The following ANO3 variants were observed in gnomAD, a reference collection of about 807,000 sequenced individuals.
ANO3 encodes the protein anoctamin 3, also known as anoctamin-3.
ANO3 carries 99 observed loss-of-function variants against 144.8 expected under a neutral mutation model. The ratio of observed to expected loss-of-function variants is 0.68; its 90% CI spans 0.58 to 0.81. The LOEUF (loss-of-function observed/expected upper bound fraction) is 0.81. ANO3 is among the 30% of genes least tolerant of loss of function. The probability of loss-of-function intolerance (pLI) is 0.00; values close to 1 mark genes in which losing one functional copy is unlikely to be tolerated. For synonymous variants in ANO3, 414 were observed against 392.6 expected (o/e 1.05, Z -0.64); for missense variants, 905 against 1,202.2 (o/e 0.75, Z 3.66).
At chr11:26,205,448 A>T (rs74707852) in intron 1 of ANO3, among the ~76,000 whole-genome samples, 2,148 of 152,284 alleles carry the variant, frequency 0.014, 39 homozygotes, top group East Asian at 0.1. Context: ...GTGTCTCATT[A>T]TAAAGTCCAA....
intron 18 of ANO3, among the ~76,000 whole-genome samples, chr11:26,625,790 G>C (rs1852566109): frequency 6.6e-6 from 1 of 152,020 alleles, no homozygotes; most frequent in Non-Finnish European, 1.5e-5. Flanking sequence ...ACTGCATCTA[G>C]ACTTACTTTC....
At chr11:26,223,228 C>G (rs1213018403) in intron 1 of ANO3, among the ~76,000 whole-genome samples, 4 of 152,006 alleles carry the variant, frequency 2.6e-5, no homozygotes, top group Non-Finnish European at 5.9e-5. Flanking sequence ...TGCCAGATAC[C>G]CTGAGTCGTC....
At chr11:26,570,052 G>A (rs1850758850) in intron 14 of ANO3, among the ~76,000 whole-genome samples, 1 of 152,016 alleles carries the variant, frequency 6.6e-6, no homozygotes, top group African/African-American at 2.4e-5. Context: ...ACTATAAAGT[G>A]AACAGAGAAA....
intron 1 of ANO3, among the ~76,000 whole-genome samples, chr11:26,273,697 G>A (rs562449378): frequency 6.6e-6 from 1 of 150,722 alleles, no homozygotes; most frequent in Admixed American, 6.6e-5. Context: ...GGAAGGTAAA[G>A]GATTTCAAGA....
intron 14 of ANO3, among the ~76,000 whole-genome samples, chr11:26,580,590 T>C (rs1161663688): frequency 6.6e-6 from 1 of 152,202 alleles, no homozygotes; most frequent in East Asian, 1.9e-4. Flanking sequence ...TAACTATTGT[T>C]TCAGGTGGGC....
intron 1 of ANO3, among the ~76,000 whole-genome samples, chr11:26,268,891 C>T (rs1225490605): frequency 1.3e-5 from 2 of 152,130 alleles, no homozygotes; most frequent in African/African-American, 2.4e-5. Context: ...AAACAGACAT[C>T]GTGACCTGCT....
chr11:26,507,506 G>A (rs117632469), intron 4 of ANO3, among the ~76,000 whole-genome samples: 3,361 of 152,274 alleles, frequency 0.022, 64 homozygotes, highest in Non-Finnish European at 0.035. Flanking sequence ...GTATTTCCCA[G>A]AGCAAACAAC....
chr11:26,336,413 G>A (rs1280832122), intron 1 of ANO3, among the ~76,000 whole-genome samples: 2 of 152,190 alleles, frequency 1.3e-5, no homozygotes, highest in Non-Finnish European at 2.9e-5. Flanking sequence ...AGTGTTTTTA[G>A]TAATTCCATA....
At chr11:26,505,747 C>T (rs1298086127) in intron 4 of ANO3, among the ~76,000 whole-genome samples, 2 of 151,930 alleles carry the variant, frequency 1.3e-5, no homozygotes, top group African/African-American at 2.4e-5. Flanking sequence ...CCAAGGCGGG[C>T]GGATCACGAG....
At chr11:26,281,446 A>T (rs915032995) in intron 1 of ANO3, among the ~76,000 whole-genome samples, 1 of 152,152 alleles carries the variant, frequency 6.6e-6, no homozygotes, top group East Asian at 1.9e-4. Flanking sequence ...CTAAATTTTT[A>T]TTAGCTAAGA....
chr11:26,216,235 A>C (rs11029396), intron 1 of ANO3, among the ~76,000 whole-genome samples: 2,309 of 152,126 alleles, frequency 0.015, 50 homozygotes, highest in East Asian at 0.13. Flanking sequence ...TCACAAATGC[A>C]TAATAGCATG....
intron 1 of ANO3, among the ~76,000 whole-genome samples, chr11:26,248,423 T>C (rs1252335840): frequency 6.6e-6 from 1 of 152,212 alleles, no homozygotes; most frequent in Non-Finnish European, 1.5e-5. Flanking sequence ...TTCAAGTTAG[T>C]TCTTTCCCTA....
At chr11:26,378,408 A>G (rs1200755022) in intron 1 of ANO3, among the ~76,000 whole-genome samples, 2 of 61,146 alleles carry the variant, frequency 3.3e-5, no homozygotes, top group African/African-American at 1.1e-4. Context: ...TTATCTATCT[A>G]TATATATTAT....
chr11:26,545,539 T>C (rs934881287), intron 11 of ANO3, among the ~76,000 whole-genome samples: 1 of 152,046 alleles, frequency 6.6e-6, no homozygotes, highest in Non-Finnish European at 1.5e-5. Flanking sequence ...AATTCTTGTA[T>C]GGCAATTTAA....
Position 26,425,878 on chromosome 11 carries a change from G to T in ANO3, c.47-16040G>T, listed in dbSNP as rs1590348738. Among the ~76,000 whole-genome samples, 3 of 152,154 alleles carry T rather than the reference G, an allele frequency of 2.0e-5. No individual in the cohort carries two copies. In the South Asian group the frequency reaches 6.2e-4, roughly 32 times the overall value. ...GGAGTAAATGGATGGTGTTTTAGGA[G>T]TTTTCAATTGGTTAATGGATACATA... On this transcript the variant is annotated intron_variant, in intron 1 of 26. Coordinates refer to ENST00000256737, the MANE Select transcript of ANO3 (RefSeq NM_031418.4).
rs192962158 is a variant in ANO3 at position 26,554,219 on chromosome 11, C to T, written c.1386+874C>T. 5.9e-5 allele frequency among the ~76,000 whole-genome samples: 9 copies of T among 152,212 alleles called. No homozygotes were observed. The East Asian group carries it at 1.4e-3, about 23-fold the overall frequency. ...GTATTTTTTTCTGGCTTCTTTCACA[C>T]AGCATATGTATTGAGATTCATTCAT... On this transcript the variant is annotated intron_variant, in intron 13 of 26. Coordinates refer to ENST00000256737, the MANE Select transcript of ANO3 (RefSeq NM_031418.4).
intron 1 of ANO3, among the ~76,000 whole-genome samples, chr11:26,432,640 A>T (rs1412498527): frequency 6.6e-6 from 1 of 152,152 alleles, no homozygotes; most frequent in Non-Finnish European, 1.5e-5. Context: ...TTATCACAGC[A>T]CCATTTATTG....
chr11:26,565,850 G>A, intron 14 of ANO3: 1 of 1,611,292 alleles, frequency 6.2e-7, no homozygotes, highest in South Asian at 1.1e-5. Context: ...TTTTGGCTAA[G>A]GCCAACATTG....
intron 5 of ANO3, 170 bp downstream of exon 5, chr11:26,508,432 T>A (rs1861520557): frequency 9.2e-6 from 5 of 546,290 alleles, no homozygotes; most frequent in Non-Finnish European, 1.5e-5. Context: ...ATGTATTCAC[T>A]TTTTAATCTA....
Sources: gnomAD v4.1 joint callset for allele counts (sites outside exome capture counted in the v4.1 genomes callset) on GRCh38, gnomAD v4.1.1 for gene constraint, MANE v1.5 for transcripts, NCBI Gene and HGNC (gene_info 2026-07-23, HGNC 2026-07-21) for gene names.